Variants in DDAH1 observed in about 807,000 individuals in gnomAD.
The protein encoded by DDAH1 is dimethylarginine dimethylaminohydrolase 1.
A neutral mutation model predicts 28.8 loss-of-function variants in DDAH1; 19 were observed. The ratio of observed to expected loss-of-function variants is 0.66; its 90% CI spans 0.46 to 0.97. The LOEUF (loss-of-function observed/expected upper bound fraction) is 0.97. DDAH1 is among the 50% of genes least tolerant of loss of function. DDAH1 has a pLI of 0.00. For synonymous variants in DDAH1, 153 were observed against 154.4 expected, an observed-to-expected ratio of 0.99 and a Z score of 0.07; for missense variants, 326 against 375.9, an observed-to-expected ratio of 0.87 and a Z score of 1.10.
chr1:85,335,032 T>C (rs1020469840), intron 4 of DDAH1, among the ~76,000 whole-genome samples: 19 of 152,190 alleles, frequency 1.2e-4, no homozygotes, highest in Admixed American at 2.6e-4. Context: ...CAAGAAATGC[T>C]TGAGGAAGTC....
chr1:85,518,173 A>C (rs1657541335), intron 1 of DDAH1, among the ~76,000 whole-genome samples: 1 of 152,254 alleles, frequency 6.6e-6, no homozygotes, highest in South Asian at 2.1e-4. Context: ...CCCTGGAATC[A>C]GACTACCTGA....
At chr1:85,558,647 AT>A (rs1215166469) in intron 1 of DDAH1, among the ~76,000 whole-genome samples, 2 of 152,164 alleles carry the variant, frequency 1.3e-5, no homozygotes, top group Admixed American at 6.5e-5. Context: ...ATACTCATTT[AT>A]CAGGTGCCTC....
In DDAH1 at chr1:85,472,795, T is replaced by C. The variant is rs77885473; in HGVS notation, c.-7+23371A>G. ...GGATATGTTGCATAATGCTGAGATT[T>C]GGGCTTCTGTTGAACCCATCATCCA... On this transcript the variant is annotated intron_variant, in intron 2 of 6. Coordinates refer to the DDAH1 transcript ENST00000426972. Among the ~76,000 whole-genome samples the C allele has an allele frequency of 6.3e-3, 962 of 152,298 alleles. 31 individuals are homozygous for C. The East Asian group carries it at 0.087, about 14-fold the overall frequency.
chr1:85,403,268 TATATAC>T (rs1652241836), intron 1 of DDAH1, among the ~76,000 whole-genome samples: 1 of 151,660 alleles, frequency 6.6e-6, no homozygotes, highest in Non-Finnish European at 1.5e-5. Flanking sequence ...CATGTACACA[TATATAC>T]ATATACATAT....
intron 2 of DDAH1, among the ~76,000 whole-genome samples, chr1:85,490,089 G>A (rs17099247): frequency 0.041 from 6,251 of 152,136 alleles, 269 homozygotes; most frequent in East Asian, 0.13. Context: ...GCAAATAGAA[G>A]ATGAAGGAAT....
rs989088661 is a variant in DDAH1 at position 85,373,933 on chromosome 1, T to C, written c.304-15086A>G. Among the ~76,000 whole-genome samples the C allele has an allele frequency of 3.9e-5, 6 of 152,042 alleles. No homozygotes were observed. The Middle Eastern group carries it at 0.01, about 259-fold the overall frequency. On this transcript the variant is annotated intron_variant, in intron 1 of 5. Transcript: ENST00000284031. ...TGGTTGGTTGGTGGAAAATGGTTGA[T>C]GTGACACTGGTGGAAGAAGTTAAGA... is the stretch of plus-strand genomic sequence containing the variant.
chr1:85,407,307 C>G (rs1394147368), intron 1 of DDAH1, among the ~76,000 whole-genome samples: 2 of 152,178 alleles, frequency 1.3e-5, no homozygotes, highest in African/African-American at 4.8e-5. Context: ...AATCTCTTAG[C>G]AACTGAGAGC....
chr1:85,503,308 G>A (rs774040003), intron 1 of DDAH1, among the ~76,000 whole-genome samples: 2 of 152,102 alleles, frequency 1.3e-5, no homozygotes, highest in African/African-American at 2.4e-5. Context: ...GGGTTCAAGC[G>A]ATGCTCCTGC....
At chr1:85,378,116 C>T (rs1486610553) in intron 1 of DDAH1, among the ~76,000 whole-genome samples, 1 of 151,922 alleles carries the variant, frequency 6.6e-6, no homozygotes, top group East Asian at 1.9e-4. Context: ...TTTGGAAAAC[C>T]AAAAAGGGCT....
At chr1:85,552,949 T>C (rs1261573152) in intron 1 of DDAH1, among the ~76,000 whole-genome samples, 2 of 151,996 alleles carry the variant, frequency 1.3e-5, no homozygotes, top group Admixed American at 1.3e-4. Context: ...ACCAACAGAA[T>C]GTAGCAGGAC....
chr1:85,493,117 T>C (rs1473427007), intron 2 of DDAH1, among the ~76,000 whole-genome samples: 1 of 151,950 alleles, frequency 6.6e-6, no homozygotes, highest in Non-Finnish European at 1.5e-5. Context: ...ATACTTTCTT[T>C]GACCTAAAAT....
At chr1:85,347,889 G>A (rs1442669571) in intron 4 of DDAH1, among the ~76,000 whole-genome samples, 1 of 152,104 alleles carries the variant, frequency 6.6e-6, no homozygotes, top group Non-Finnish European at 1.5e-5. Flanking sequence ...AACCCATTTC[G>A]AACCTGTGAC....
At chr1:85,417,034 T>C (rs1652918013) in intron 1 of DDAH1, among the ~76,000 whole-genome samples, 1 of 152,196 alleles carries the variant, frequency 6.6e-6, no homozygotes, top group Non-Finnish European at 1.5e-5. Flanking sequence ...GTCCTACATA[T>C]AACATCATGA....
intron 1 of DDAH1, among the ~76,000 whole-genome samples, chr1:85,397,627 T>C (rs946445102): frequency 6.6e-5 from 10 of 152,212 alleles, no homozygotes; most frequent in Admixed American, 5.2e-4. Flanking sequence ...CTCCTTAATA[T>C]GATTATTTTC....
chr1:85,358,388 G>A (rs1649596437), intron 2 of DDAH1, among the ~76,000 whole-genome samples: 2 of 152,032 alleles, frequency 1.3e-5, no homozygotes. Flanking sequence ...GGTGGCTTAT[G>A]ATAGTAATCC....
chr1:85,516,266 A>C (rs1657470836), intron 1 of DDAH1, among the ~76,000 whole-genome samples: 1 of 151,636 alleles, frequency 6.6e-6, no homozygotes, highest in Non-Finnish European at 1.5e-5. Context: ...TACATACTTG[A>C]GAAACTCAGG....
intron 1 of DDAH1, among the ~76,000 whole-genome samples, chr1:85,376,341 G>T (rs897997334): frequency 1.3e-5 from 2 of 152,114 alleles, no homozygotes; most frequent in Non-Finnish European, 2.9e-5. Flanking sequence ...CTGATGAGTA[G>T]TTTATCCCCC....
chr1:85,479,883 TG>T (rs1415625829), intron 2 of DDAH1, among the ~76,000 whole-genome samples: 1 of 152,214 alleles, frequency 6.6e-6, no homozygotes, highest in African/African-American at 2.4e-5. Flanking sequence ...AATTCTGATT[TG>T]GGAATTTTTG....
intron 1 of DDAH1, among the ~76,000 whole-genome samples, chr1:85,442,811 G>C (rs1461003479): frequency 6.6e-6 from 1 of 152,142 alleles, no homozygotes; most frequent in African/African-American, 2.4e-5. Flanking sequence ...ATGTCTGTTG[G>C]CTGCATAAAT....
Sources: allele counts gnomAD v4.1 joint callset (sites outside exome capture counted in the v4.1 genomes callset), GRCh38; gene constraint gnomAD v4.1.1; transcripts MANE v1.5; gene names NCBI Gene and HGNC (gene_info 2026-07-23, HGNC 2026-07-21).